BPTF: variants seen among roughly 807,000 people sequenced by gnomAD.
BPTF encodes bromodomain PHD finger transcription factor.
A neutral mutation model predicts 292.5 loss-of-function variants in BPTF; 18 were observed. The ratio of observed to expected loss-of-function variants is 0.06; its 90% confidence interval spans 0.04 to 0.09. The LOEUF is 0.09. BPTF is among the 10% of genes least tolerant of loss of function. The pLI is 1.00. For missense variants in BPTF, 2,726 were observed against 3,498.7 expected (o/e 0.78, Z 5.57); for synonymous variants, 1,225 against 1,251.9 (o/e 0.98, Z 0.45).
chr17:67,928,751 A>G, intron 16 of BPTF, 150 bp downstream of exon 16: 2 of 1,128,200 alleles, frequency 1.8e-6, no homozygotes, highest in African/African-American at 1.6e-5. Context: ...GTTTGTTACA[A>G]ATAATGTTCA....
At chr17:67,965,770 A>G (rs1555686958) in intron 25 of BPTF, 6 of 151,238 alleles carry the variant, frequency 4.0e-5, no homozygotes, top group Non-Finnish European at 8.8e-5. Context: ...TACTGAAGAC[A>G]CAGAAAGCCA....
At chr17:67,867,382 A>G (rs947805130) in intron 3 of BPTF, among the ~76,000 whole-genome samples, 4 of 152,250 alleles carry the variant, frequency 2.6e-5, no homozygotes, top group Non-Finnish European at 5.9e-5. Flanking sequence ...GATTTATACA[A>G]AAGTTGCAAA....
At position 67,911,667 on chromosome 17, in the gene BPTF, C is replaced by G; in HGVS notation, c.3783C>G (p.Thr1261=). Residue 1261 remains threonine (T), a synonymous_variant, in exon 11 of 28, where the codon ACC becomes ACG. Transcript: ENST00000306378. ...SALHSSVPKS[T]NDRDATPLSR... is the part of the protein sequence containing the mutation. The stretch of plus-strand genomic sequence containing the variant: ...TACATTCATCAGTGCCTAAAAGTAC[C>G]AATGACAGAGATGCCACACCTCTGT... 6.2e-7 allele frequency: 1 copy of G among 1,614,078 alleles called. No individual in the cohort carries two copies. Among genetic ancestry groups the G allele is most frequent in the South Asian group, 1.1e-5 (1 of 91,068 alleles).
At chr17:67,857,729 A>C (rs1415132533) in intron 2 of BPTF, among the ~76,000 whole-genome samples, 2 of 151,394 alleles carry the variant, frequency 1.3e-5, no homozygotes, top group Non-Finnish European at 2.9e-5. Context: ...GGCCTCTCAA[A>C]GTGCTGGGAT....
At chr17:67,919,315 C>T (rs758442395) in intron 12 of BPTF, among the ~76,000 whole-genome samples, 13 of 151,900 alleles carry the variant, frequency 8.6e-5, no homozygotes, top group African/African-American at 1.4e-4. Flanking sequence ...GCAGGAGGAT[C>T]ACTTGAGGCC....
At chr17:67,840,911 A>T (rs2057504490) in intron 1 of BPTF, among the ~76,000 whole-genome samples, 1 of 152,116 alleles carries the variant, frequency 6.6e-6, no homozygotes, top group African/African-American at 2.4e-5. Flanking sequence ...TTTGGATATA[A>T]GTGCTTTGTT....
At chr17:67,925,281 A>G (rs1310789303) in intron 15 of BPTF, among the ~76,000 whole-genome samples, 1 of 152,142 alleles carries the variant, frequency 6.6e-6, no homozygotes, top group Non-Finnish European at 1.5e-5. Context: ...AGTCTATGAA[A>G]AAGCAAAGTA....
intron 11 of BPTF, among the ~76,000 whole-genome samples, chr17:67,914,957 C>G (rs565708685): frequency 2.8e-4 from 43 of 152,210 alleles, no homozygotes; most frequent in Non-Finnish European, 5.3e-4. Context: ...TCCTTTCTGT[C>G]TAATGGAGGC....
intron 4 of BPTF, chr17:67,875,610 A>G (rs775835286): frequency 2.5e-6 from 4 of 1,597,926 alleles, no homozygotes; most frequent in South Asian, 2.3e-5. Context: ...CTTGGCGACA[A>G]CACAACAAAT....
At chr17:67,929,259 C>T (rs2064160433) in intron 16 of BPTF, 77 bp from the exon 17 acceptor site, 2 of 1,563,386 alleles carry the variant, frequency 1.3e-6, no homozygotes, top group Non-Finnish European at 8.7e-7. Context: ...CACGTAGTTT[C>T]TCCTCAGCAA....
At chr17:67,862,412 A>G (rs1285734729) in intron 2 of BPTF, among the ~76,000 whole-genome samples, 1 of 152,194 alleles carries the variant, frequency 6.6e-6, no homozygotes, top group African/African-American at 2.4e-5. Context: ...TTCTAACAAC[A>G]GCATCTTCCA....
chr17:67,897,247 A>G (rs373712501), intron 7 of BPTF, among the ~76,000 whole-genome samples: 115 of 146,772 alleles, frequency 7.8e-4, no homozygotes, highest in African/African-American at 2.7e-3. Context: ...AGGCTGAGGC[A>G]TGAGAATCGC....
chr17:67,924,312 A>G (rs1395671757), intron 14 of BPTF, among the ~76,000 whole-genome samples: 1 of 152,014 alleles, frequency 6.6e-6, no homozygotes, highest in Non-Finnish European at 1.5e-5. Flanking sequence ...ACAGGGTTTC[A>G]CCATGTTGGC....
At chr17:67,938,864 G>A (rs906563599) in intron 18 of BPTF, among the ~76,000 whole-genome samples, 1 of 152,236 alleles carries the variant, frequency 6.6e-6, no homozygotes, top group African/African-American at 2.4e-5. Flanking sequence ...GAAATGGGCA[G>A]TGTGTGGAGA....
chr17:67,923,002 G>A lies in BPTF; in HGVS notation c.5708+12G>A. The A allele has an allele frequency of 6.2e-7, 1 of 1,602,112 alleles. No individual in the cohort carries two copies. The highest frequency in any genetic ancestry group is 1.3e-5 in the African/African-American group (1 of 74,124). On this transcript the variant is annotated intron_variant, in intron 14 of 27. Coordinates refer to ENST00000306378, the MANE Select transcript of BPTF (RefSeq NM_182641.4). ...GCATTTGCTGAGAGGTAAGGAAATG[G>A]TTAATACCTGGTCAGCTATTTGAAG...
intron 26 of BPTF, among the ~76,000 whole-genome samples, chr17:67,971,660 C>T (rs535780506): frequency 3.5e-4 from 53 of 151,682 alleles, no homozygotes; most frequent in Non-Finnish European, 4.4e-4. Flanking sequence ...CAAAATTAGT[C>T]GGGCATGGTG....
At chr17:67,974,536 T>A (rs2069163571) in intron 26 of BPTF, 1 of 152,336 alleles carries the variant, frequency 6.6e-6, no homozygotes, top group African/African-American at 2.4e-5. Flanking sequence ...CCTCTTCAGA[T>A]GCCGGTCGCC....
At position 67,838,756 on chromosome 17, in the gene BPTF, G is replaced by A. The variant is rs570924467; in HGVS notation, c.613+12419G>A. Among the ~76,000 whole-genome samples, 64 of 152,300 alleles carry A rather than the reference G, an allele frequency of 4.2e-4. 1 individual carries two copies. The Middle Eastern group carries it at 0.014, about 33-fold the overall frequency. ...TTCCCAAACTGTTGGGATTACAGGC[G>A]TGAGCCACCACACCCAGCACATGTG... On this transcript the variant is annotated intron_variant, in intron 1 of 27. Transcript: ENST00000306378.
chr17:67,860,462 A>G (rs1029732983), intron 2 of BPTF, among the ~76,000 whole-genome samples: 1 of 152,182 alleles, frequency 6.6e-6, no homozygotes, highest in African/African-American at 2.4e-5. Flanking sequence ...TGTTATTTGT[A>G]TAGATTAGTG....
Sources: gnomAD v4.1 joint callset for allele counts (sites outside exome capture counted in the v4.1 genomes callset) on GRCh38, gnomAD v4.1.1 for gene constraint, MANE v1.5 for transcripts, NCBI Gene and HGNC (gene_info 2026-07-23, HGNC 2026-07-21) for gene names.